Variants in ACAD11 observed in about 807,000 individuals in gnomAD.
ACAD11 encodes the protein acyl-Coenzyme A dehydrogenase family, member 11.
ACAD11 carries 83 observed loss-of-function variants against 102.2 expected under a neutral mutation model. The observed-to-expected ratio is 0.81, with a 90% CI of 0.68 to 0.97. The LOEUF (loss-of-function observed/expected upper bound fraction) is 0.97, where lower values mean the gene tolerates loss of function less well. Among genes scored for constraint, ACAD11 ranks in the 50% least tolerant of loss-of-function variants. The pLI is 0.00. For synonymous variants in ACAD11, 324 were observed against 319.8 expected (o/e 1.01, Z -0.14); for missense variants, 901 against 951.7 (o/e 0.95, Z 0.70).
chr3:132,639,399 T>C lies in ACAD11; in HGVS notation c.702+93A>G, dbSNP rs1293238059. On this transcript the variant is annotated intron_variant, in intron 5 of 19. Transcript: ENST00000264990. ...GAGCTGTAGGGGAACAGGGAGTGGGTTGGGCTCCCTCAGTGCTCTGGGGGG... is the reference window on the plus strand; with the variant it reads ...GAGCTGTAGGGGAACAGGGAGTGGGCTGGGCTCCCTCAGTGCTCTGGGGGG... The C allele has an allele frequency of 2.4e-6, 3 of 1,259,224 alleles. No individual in the cohort carries two copies. The African/African-American group carries it at 4.6e-5, about 19-fold the overall frequency. 78.0% of individuals were successfully genotyped at this position (1,259,224 alleles called of 1,614,324 possible).
At chr3:132,637,821 T>A (rs1173299198) in intron 5 of ACAD11, among the ~76,000 whole-genome samples, 1 of 152,196 alleles carries the variant, frequency 6.6e-6, no homozygotes, top group Non-Finnish European at 1.5e-5. Context: ...ACTCCACACA[T>A]TCCTGGAAGG....
intron 17 of ACAD11, among the ~76,000 whole-genome samples, chr3:132,567,014 T>C (rs1040531798): frequency 2.0e-5 from 3 of 152,218 alleles, no homozygotes; most frequent in Non-Finnish European, 4.4e-5. Flanking sequence ...AGTCTCACTC[T>C]ATCTCCCAGG....
intron 1 of ACAD11, among the ~76,000 whole-genome samples, chr3:132,647,891 A>G (rs1940773859): frequency 6.6e-6 from 1 of 152,190 alleles, no homozygotes; most frequent in Non-Finnish European, 1.5e-5. Context: ...ACTTTCTTAT[A>G]GATGGCACAT....
At chr3:132,639,018 G>A (rs1213352425) in intron 5 of ACAD11, among the ~76,000 whole-genome samples, 1 of 152,116 alleles carries the variant, frequency 6.6e-6, no homozygotes, top group African/African-American at 2.4e-5. Flanking sequence ...CATTGAGCAA[G>A]GTTATATTAA....
chr3:132,618,604 A>G (rs1245841733), intron 11 of ACAD11, 30 bp downstream of exon 11: 1 of 1,516,234 alleles, frequency 6.6e-7, no homozygotes, highest in Non-Finnish European at 8.8e-7. Flanking sequence ...AAATATTAGA[A>G]AAAATTATGT....
At position 132,561,110 on chromosome 3, in the gene ACAD11, A is replaced by G; in HGVS notation, c.2109T>C (p.Ala703=). The G allele has an allele frequency of 6.2e-7, 1 of 1,612,642 alleles. No individual in the cohort carries two copies. The highest frequency in any genetic ancestry group is 1.1e-5 in the South Asian group (1 of 91,064). ...HSMDTLGSAG[A]KKEIAMIKVA... ...GAGAAGGTAGCCTCACCTCTTTCTTAGCGCCAGCACTGCCCAGAGTGTCCA... is the reference window on the plus strand; with the variant it reads ...GAGAAGGTAGCCTCACCTCTTTCTTGGCGCCAGCACTGCCCAGAGTGTCCA... The change falls in exon 18 of 20, where the codon GCT becomes GCC. Residue 703 remains alanine (A), a synonymous_variant. Coordinates refer to ENST00000264990, the MANE Select transcript of ACAD11 (RefSeq NM_032169.5).
chr3:132,655,263 G>A (rs1292921585), intron 1 of ACAD11, among the ~76,000 whole-genome samples: 2 of 152,068 alleles, frequency 1.3e-5, no homozygotes, highest in African/African-American at 4.8e-5. Context: ...TCTGCCCTTG[G>A]CCCCTTCAGT....
At chr3:132,616,033 C>T (rs1039842761) in intron 11 of ACAD11, among the ~76,000 whole-genome samples, 12 of 152,108 alleles carry the variant, frequency 7.9e-5, no homozygotes, top group Admixed American at 6.6e-5. Context: ...AGAAACCTCT[C>T]GAAGTATTTA....
intron 2 of ACAD11, among the ~76,000 whole-genome samples, chr3:132,643,719 G>A (rs932779959): frequency 6.6e-6 from 1 of 152,142 alleles, no homozygotes; most frequent in Non-Finnish European, 1.5e-5. Flanking sequence ...CTCAGGTGTT[G>A]GGAAACGAGG....
At chr3:132,649,530 C>A (rs1940852904) in intron 1 of ACAD11, among the ~76,000 whole-genome samples, 1 of 152,198 alleles carries the variant, frequency 6.6e-6, no homozygotes, top group Non-Finnish European at 1.5e-5. Context: ...CCTTTGCTCA[C>A]ATGTTTTCTT....
Position 132,619,451 on chromosome 3 carries a change from G to T in ACAD11, c.1275+17C>A. The T allele has an allele frequency of 6.5e-7, 1 of 1,541,376 alleles. No homozygotes were observed. Among genetic ancestry groups the T allele is most frequent in the Non-Finnish European group, 8.7e-7 (1 of 1,142,944 alleles). On this transcript the variant is annotated intron_variant, in intron 10 of 19. Coordinates refer to ENST00000264990, the MANE Select transcript of ACAD11 (RefSeq NM_032169.5). ...AACACTTGCATATGAATTTTCTAGC[G>T]TTAAAGATTTTCTTACCTTGAGTTT...
At chr3:132,576,031 A>C in intron 16 of ACAD11, 105 bp from the exon 17 acceptor site, 1 of 1,358,188 alleles carries the variant, frequency 7.4e-7, no homozygotes, top group East Asian at 2.4e-5. Flanking sequence ...CTTAATAAAA[A>C]TGGCTTTCTA....
At chr3:132,628,309 T>C in intron 8 of ACAD11, 31 bp downstream of exon 8, 2 of 1,532,958 alleles carry the variant, frequency 1.3e-6, no homozygotes, top group Non-Finnish European at 1.8e-6. Flanking sequence ...AGGCTCTAAT[T>C]TGAGTTAGCC....
At position 132,594,824 on chromosome 3, in the gene ACAD11, C is replaced by T. The variant is rs150870514; in HGVS notation, c.1621+8405G>A. ...ATAGAAAGATCAAAGAGATTATTAT[C>T]TGATAATTATGGAGGCTGCAGTTGC... On this transcript the variant is annotated intron_variant, in intron 13 of 19. Transcript: ENST00000264990. Among the ~76,000 whole-genome samples the T allele has an allele frequency of 2.2e-3, 330 of 152,270 alleles. 2 individuals are homozygous for T. The highest frequency in any genetic ancestry group is 0.018 in the East Asian group (93 of 5,186).
At position 132,626,923 on chromosome 3, in the gene ACAD11, C is replaced by A. The variant is rs1939840598; in HGVS notation, c.1071-106G>T. On this transcript the variant is annotated intron_variant, in intron 8 of 19. Coordinates refer to ENST00000264990, the MANE Select transcript of ACAD11 (RefSeq NM_032169.5). Reference sequence around the variant, plus strand: ...TTTCCTCAGCTACCCAAAAAACATCCCCCAGAAGGAGTAGCTGTATTTTAT... The same window carrying A: ...TTTCCTCAGCTACCCAAAAAACATCACCCAGAAGGAGTAGCTGTATTTTAT... 3.7e-6 allele frequency: 4 copies of A among 1,076,612 alleles called. No homozygotes were observed. The Admixed American group carries it at 8.6e-5, about 23-fold the overall frequency. The allele number at this position is 1,076,612 out of a possible 1,614,324, so 66.7% of individuals were successfully genotyped here. A position where few individuals can be genotyped will look rare whatever the true frequency, so the allele number is the denominator to read the frequency against.
At chr3:132,573,307 T>C (rs1339308831) in intron 17 of ACAD11, among the ~76,000 whole-genome samples, 1 of 152,186 alleles carries the variant, frequency 6.6e-6, no homozygotes, top group Non-Finnish European at 1.5e-5. Context: ...ATTTGAAACA[T>C]ACCTAGTCTG....
At chr3:132,591,943 A>G (rs992135598) in intron 13 of ACAD11, among the ~76,000 whole-genome samples, 5 of 152,134 alleles carry the variant, frequency 3.3e-5, no homozygotes, top group African/African-American at 9.7e-5. Flanking sequence ...TAAATGCCCA[A>G]TAGATTTCCG....
intron 1 of ACAD11, among the ~76,000 whole-genome samples, chr3:132,657,847 A>G (rs1937888500): frequency 6.7e-6 from 1 of 149,056 alleles, no homozygotes; most frequent in Admixed American, 6.7e-5. Context: ...AACTTTTGGT[A>G]TTAAAAAAAC....
intron 7 of ACAD11, 43 bp from the exon 8 acceptor site, chr3:132,628,489 CCTT>C (rs1244523670): frequency 7.3e-7 from 1 of 1,371,406 alleles, no homozygotes; most frequent in East Asian, 2.3e-5. Flanking sequence ...TGAAAACCGT[CCTT>C]CAACAATCCA....
Sources: gnomAD v4.1 joint callset for allele counts (sites outside exome capture counted in the v4.1 genomes callset) on GRCh38, gnomAD v4.1.1 for gene constraint, MANE v1.5 for transcripts, NCBI Gene and HGNC (gene_info 2026-07-23, HGNC 2026-07-21) for gene names.